PPIG: variants seen among roughly 807,000 people sequenced by gnomAD.
PPIG encodes the protein peptidylprolyl isomerase G.
In PPIG, 26 loss-of-function variants were observed where a neutral mutation model predicts 87.9. The ratio of observed to expected loss-of-function variants is 0.30; its 90% confidence interval spans 0.22 to 0.41. The LOEUF is 0.41. PPIG is among the 10% of genes least tolerant of loss of function. The pLI is 1.00. For synonymous variants in PPIG, 308 were observed against 276.5 expected (o/e 1.11, Z -1.13); for missense variants, 722 against 879.4 (o/e 0.82, Z 2.26).
At chr2:169,607,801 A>G (rs187619104) in intron 6 of PPIG, among the ~76,000 whole-genome samples, 2 of 152,264 alleles carry the variant, frequency 1.3e-5, no homozygotes, top group East Asian at 3.9e-4. Flanking sequence ...ACTAAATAAT[A>G]CTCTGTGTGC....
Position 169,615,135 on chromosome 2 carries a change from G to A in PPIG, c.547+411G>A, listed in dbSNP as rs532554178. ...ATGATCTTGGCTCACTGCAACCTCC[G>A]TCTCCCGGGTTGAAGCAATTCTCCT... On this transcript the variant is annotated intron_variant, in intron 9 of 13. Coordinates refer to ENST00000260970, the MANE Select transcript of PPIG (RefSeq NM_004792.3). 3.3e-5 allele frequency among the ~76,000 whole-genome samples: 5 copies of A among 152,008 alleles called. No homozygotes were observed. The East Asian group carries it at 5.8e-4, about 18-fold the overall frequency.
chr2:169,608,588 A>G (rs1685398895), intron 6 of PPIG, 83 bp from the exon 7 acceptor site: 2 of 740,464 alleles, frequency 2.7e-6, no homozygotes, highest in Admixed American at 2.3e-5. Context: ...ACTAAATAAT[A>G]CATCAGATAT....
In PPIG at chr2:169,636,193, G is replaced by T. The variant is rs1286302802; in HGVS notation, c.1119G>T (p.Arg373Ser). ...AGATGCAGAGAGCTCAAAGAATGAG[G>T]GTATCAAGTGGTGAAAGATGGATCA... ...RQEMQRAQRM[R>S]VSSGERWIKG... The change falls in exon 13 of 14, where the codon AGG (arginine) becomes AGT (serine). Residue 373 changes from arginine (R) to serine (S), a missense_variant. Arg to Ser is a moderately radical substitution (Grantham distance 110). This residue lies in a region of PPIG where 476 missense variants were observed against 483.1 expected (regional missense o/e 0.99). Transcript: ENST00000260970. 6 of 1,609,414 alleles carry T rather than the reference G, an allele frequency of 3.7e-6. No individual in the cohort carries two copies. Among genetic ancestry groups the T allele is most frequent in the Non-Finnish European group, 5.1e-6 (6 of 1,178,774 alleles).
At chr2:169,593,675 G>A (rs1156962348) in intron 1 of PPIG, among the ~76,000 whole-genome samples, 2 of 131,802 alleles carry the variant, frequency 1.5e-5, no homozygotes, top group Non-Finnish European at 3.2e-5. Flanking sequence ...TTTTTGAGAC[G>A]GAGTCTCATT....
At position 169,636,913 on chromosome 2, in the gene PPIG, C is replaced by G. The variant is rs1686194396; in HGVS notation, c.1655C>G (p.Thr552Ser). The stretch of plus-strand genomic sequence containing the variant: ...TCCAGGAGTAGAGAATGTGATATAA[C>G]TAAAGGTAAACACAGTTATAATAGC... ...AQSRSRECDI[T>S]KGKHSYNSRT... The change falls in exon 14 of 14, where the codon ACT becomes AGT. Residue 552 changes from threonine to serine, a missense_variant. This residue lies in a region of PPIG where 476 missense variants were observed against 483.1 expected (regional missense o/e 0.99). Coordinates refer to ENST00000260970, the MANE Select transcript of PPIG (RefSeq NM_004792.3). The G allele has an allele frequency of 1.2e-5, 20 of 1,613,780 alleles. No homozygotes were observed. The highest frequency in any genetic ancestry group is 1.6e-4 in the Middle Eastern group (1 of 6,062).
chr2:169,588,958 CAAAAA>C (rs549776875), intron 1 of PPIG, among the ~76,000 whole-genome samples: 1 of 68,388 alleles, frequency 1.5e-5, no homozygotes, highest in Non-Finnish European at 2.8e-5. Flanking sequence ...AACTCCCTCT[CAAAAA>C]AAAAAAAAAA....
intron 9 of PPIG, among the ~76,000 whole-genome samples, chr2:169,619,122 AT>A (rs1263496463): frequency 6.6e-6 from 1 of 151,678 alleles, no homozygotes; most frequent in Admixed American, 6.6e-5. Context: ...TAATTTCGTT[AT>A]TTACCCAGTA....
Position 169,614,724 on chromosome 2 carries a change from G to A in PPIG, c.547G>A (p.Val183Ile). The change falls in exon 9 of 14, where the codon GTT becomes ATT. Residue 183 changes from valine to isoleucine, a missense_variant and splice_region_variant. By Grantham distance (29) the Val-to-Ile change is conservative (BLOSUM62 3). Transcript: ENST00000260970. ...TGGAGAGCTGATTCCCAAATCTAAA[G>A]GTAAAAAGGAAGTACATATTTCTGA... ...SCGELIPKSKVKKEEKKRHKS... is the reference protein window; with the variant it reads ...SCGELIPKSKIKKEEKKRHKS... 1 of 1,594,566 alleles carries A rather than the reference G, an allele frequency of 6.3e-7. No homozygotes were observed. Among genetic ancestry groups the A allele is most frequent in the Non-Finnish European group, 8.5e-7 (1 of 1,175,258 alleles).
At chr2:169,593,947 G>A (rs929777243) in intron 1 of PPIG, among the ~76,000 whole-genome samples, 1 of 151,750 alleles carries the variant, frequency 6.6e-6, no homozygotes, top group Non-Finnish European at 1.5e-5. Flanking sequence ...GAGCCACCAC[G>A]CCCGGCCCAC....
At chr2:169,586,944 A>AT (rs1205209477) in intron 1 of PPIG, among the ~76,000 whole-genome samples, 4 of 151,626 alleles carry the variant, frequency 2.6e-5, no homozygotes, top group Admixed American at 1.3e-4. Context: ...TTATTTATTT[A>AT]TTTTTTTCAG....
At chr2:169,623,430 T>A (rs1434705152) in intron 9 of PPIG, among the ~76,000 whole-genome samples, 1 of 152,168 alleles carries the variant, frequency 6.6e-6, no homozygotes, top group Admixed American at 6.5e-5. Context: ...AAGCTTAGCG[T>A]ACCAATAATG....
Position 169,636,710 on chromosome 2 carries a change from G to A in PPIG, c.1452G>A (p.Arg484=). The A allele has an allele frequency of 6.2e-7, 1 of 1,611,084 alleles. No homozygotes were observed. Among genetic ancestry groups the A allele is most frequent in the African/African-American group, 1.3e-5 (1 of 74,752 alleles). Reference sequence around the variant, plus strand: ...AACATAATAGAAATGAAGAAAAGAGGATGAGGTCAAGGAGTAAAGGAAGGG... The same window carrying A: ...AACATAATAGAAATGAAGAAAAGAGAATGAGGTCAAGGAGTAAAGGAAGGG... The part of the protein sequence containing the change: ...DSKHNRNEEK[R]MRSRSKGRDH... The change falls in exon 14 of 14, where the codon AGG becomes AGA. Residue 484 remains arginine, a synonymous_variant. Coordinates refer to ENST00000260970, the MANE Select transcript of PPIG (RefSeq NM_004792.3).
At chr2:169,586,067 C>CT (rs1313813806) in intron 1 of PPIG, among the ~76,000 whole-genome samples, 8 of 151,896 alleles carry the variant, frequency 5.3e-5, no homozygotes, top group Non-Finnish European at 1.0e-4. Context: ...TAGCACTCCC[C>CT]TTTTTTTTAT....
Position 169,630,656 on chromosome 2 carries a change from A to G in PPIG, c.548-118A>G, listed in dbSNP as rs1037043809. 4.8e-6 allele frequency: 4 copies of G among 836,336 alleles called. No individual in the cohort carries two copies. In the African/African-American group the frequency reaches 6.9e-5, roughly 14 times the overall value. The allele number at this position is 836,336 out of a possible 1,614,324, so 51.8% of individuals were successfully genotyped here. A position where few individuals can be genotyped will look rare whatever the true frequency, so the allele number is the denominator to read the frequency against. On this transcript the variant is annotated intron_variant, in intron 9 of 13. Coordinates refer to ENST00000260970, the MANE Select transcript of PPIG (RefSeq NM_004792.3). Reference sequence around the variant, plus strand: ...CTTTCCTGTACTTCCCAGTTCACATAGCTGGATGATCTAAGTGCTAAATAC... The same window carrying G: ...CTTTCCTGTACTTCCCAGTTCACATGGCTGGATGATCTAAGTGCTAAATAC...
chr2:169,627,749 G>A (rs1258672872), intron 9 of PPIG, among the ~76,000 whole-genome samples: 1 of 133,404 alleles, frequency 7.5e-6, no homozygotes, highest in East Asian at 2.1e-4. Context: ...AAATGGGCTT[G>A]CTTTTAAAGT....
chr2:169,609,687 TAATG>T (rs796084194), intron 7 of PPIG, among the ~76,000 whole-genome samples: 7 of 152,206 alleles, frequency 4.6e-5, no homozygotes, highest in African/African-American at 1.4e-4. Flanking sequence ...AATGATTAAA[TAATG>T]AGAGAGAAGG....
chr2:169,615,639 A>T lies in PPIG; in HGVS notation c.547+915A>T, dbSNP rs116938115. On this transcript the variant is annotated intron_variant, in intron 9 of 13. Coordinates refer to ENST00000260970, the MANE Select transcript of PPIG (RefSeq NM_004792.3). ...GGGTTCATTCATGTTGCTCCAGATG[A>T]CAGGCTGAATAGTATTCCATTGTGT... Among the ~76,000 whole-genome samples the T allele has an allele frequency of 5.9e-4, 90 of 152,308 alleles. 1 individual carries two copies. The East Asian group carries it at 6.4e-3, about 11-fold the overall frequency.
At chr2:169,593,650 CTTT>C (rs57902378) in intron 1 of PPIG, among the ~76,000 whole-genome samples, 6 of 106,168 alleles carry the variant, frequency 5.7e-5, no homozygotes, top group East Asian at 3.1e-4. Context: ...TGCTTTATAT[CTTT>C]TTTTTTTTTT....
intron 1 of PPIG, among the ~76,000 whole-genome samples, chr2:169,594,321 A>G (rs549961017): frequency 5.2e-3 from 250 of 47,910 alleles, no homozygotes; most frequent in African/African-American, 0.012. Context: ...TGCTGTTGAT[A>G]GGCAAAAAAA....
Sources: allele counts gnomAD v4.1 joint callset (sites outside exome capture counted in the v4.1 genomes callset), GRCh38; gene constraint gnomAD v4.1.1; regional missense constraint gnomAD v4.1.1; transcripts MANE v1.5; gene names NCBI Gene and HGNC (gene_info 2026-07-23, HGNC 2026-07-21).